ZFHX3: variants seen among roughly 807,000 people sequenced by gnomAD.
ZFHX3 encodes the protein zinc finger homeobox 3.
A neutral mutation model predicts 279.1 loss-of-function variants in ZFHX3; 42 were observed. That is an observed-to-expected ratio of 0.15 (90% CI 0.12 to 0.19). The LOEUF (loss-of-function observed/expected upper bound fraction) is 0.19. Ranked by LOEUF, ZFHX3 falls within the 10% of genes least tolerant of loss-of-function variation. The pLI, the probability that ZFHX3 is intolerant of heterozygous loss-of-function variation, is 1.00. For missense variants in ZFHX3, 4,981 were observed against 4,754.0 expected (o/e 1.05, Z -1.40); for synonymous variants, 2,293 against 1,957.8 (o/e 1.17, Z -4.52).
chr16:72,944,242 G>A (rs549024303), intron 3 of ZFHX3, among the ~76,000 whole-genome samples: 39 of 152,246 alleles, frequency 2.6e-4, no homozygotes, highest in Admixed American at 2.4e-3. Flanking sequence ...CCGAGATCAC[G>A]CCACTGCACT....
At chr16:73,455,228 T>G (rs1267029343) in intron 3 of ZFHX3, among the ~76,000 whole-genome samples, 2 of 152,186 alleles carry the variant, frequency 1.3e-5, no homozygotes, top group African/African-American at 4.8e-5. Flanking sequence ...TTCATAAAAA[T>G]AGCACCTCTT....
chr16:72,878,180 A>G (rs1042437670), intron 4 of ZFHX3, among the ~76,000 whole-genome samples: 2 of 152,176 alleles, frequency 1.3e-5, no homozygotes, highest in African/African-American at 2.4e-5. Context: ...TGTCTCTACA[A>G]AAAAAGAAAA....
At chr16:73,628,895 C>G (rs965896556) in intron 2 of ZFHX3, among the ~76,000 whole-genome samples, 1 of 152,118 alleles carries the variant, frequency 6.6e-6, no homozygotes, top group Non-Finnish European at 1.5e-5. Context: ...AGGGGCACCA[C>G]GCAGGACCCA....
intron 2 of ZFHX3, among the ~76,000 whole-genome samples, chr16:73,572,018 T>C (rs2051743049): frequency 6.6e-6 from 1 of 152,102 alleles, no homozygotes; most frequent in South Asian, 2.1e-4. Flanking sequence ...TCAAAATGCT[T>C]TCTGATTCAT....
intron 2 of ZFHX3, among the ~76,000 whole-genome samples, chr16:73,525,310 C>T (rs2019672929): frequency 6.6e-6 from 1 of 152,148 alleles, no homozygotes; most frequent in Non-Finnish European, 1.5e-5. Flanking sequence ...AAGCTTTCCA[C>T]ACAAAATCCA....
chr16:73,498,759 C>T (rs1176409650), intron 2 of ZFHX3, among the ~76,000 whole-genome samples: 2 of 152,140 alleles, frequency 1.3e-5, no homozygotes, highest in Non-Finnish European at 2.9e-5. Context: ...GAGCCGGGAG[C>T]TCTCGAGCTG....
intron 1 of ZFHX3, among the ~76,000 whole-genome samples, chr16:72,975,061 C>G (rs888901286): frequency 1.3e-5 from 2 of 152,128 alleles, no homozygotes; most frequent in Non-Finnish European, 2.9e-5. Flanking sequence ...ACCACCAGGA[C>G]GCAAGGGCTT....
chr16:73,518,753 C>G (rs182836399), intron 2 of ZFHX3, among the ~76,000 whole-genome samples: 1 of 152,180 alleles, frequency 6.6e-6, no homozygotes. Flanking sequence ...GCTTTTTCCC[C>G]GTTCTGCCGT....
chr16:73,151,004 G>T (rs1382561149), intron 5 of ZFHX3, among the ~76,000 whole-genome samples: 1 of 152,044 alleles, frequency 6.6e-6, no homozygotes, highest in Non-Finnish European at 1.5e-5. Context: ...ATATTATTTG[G>T]CAATAAAAAG....
At chr16:73,623,422 CT>C (rs1188740022) in intron 2 of ZFHX3, among the ~76,000 whole-genome samples, 1 of 152,128 alleles carries the variant, frequency 6.6e-6, no homozygotes, top group Non-Finnish European at 1.5e-5. Context: ...CTCTTTCCAG[CT>C]TCTGTTAGTG....
chr16:73,463,555 G>A (rs971449555), intron 2 of ZFHX3, among the ~76,000 whole-genome samples: 7 of 152,144 alleles, frequency 4.6e-5, no homozygotes, highest in Non-Finnish European at 8.8e-5. Flanking sequence ...CCCTCCTGCC[G>A]TTTCCCTTCT....
chr16:72,787,753 C>T lies in ZFHX3; in HGVS notation c.10523G>A (p.Gly3508Asp). 1 of 1,421,920 alleles carries T rather than the reference C, an allele frequency of 7.0e-7. No individual in the cohort carries two copies. The highest frequency in any genetic ancestry group is 9.2e-7 in the Non-Finnish European group (1 of 1,086,042). The allele number at this position is 1,421,920 out of a possible 1,614,324, so 88.1% of individuals were successfully genotyped here. The change falls in exon 10 of 10, where the codon GGC (glycine) becomes GAC (aspartate). Residue 3508 changes from glycine (G) to aspartate (D), a missense_variant. This residue lies in a region of ZFHX3 where 1,034 missense variants were observed against 786.0 expected (regional missense o/e 1.32). Transcript: ENST00000268489. ...QEMVLHVPTG[G>D]GGGGSGGGGG... ...GCCGCCGCCACTGCCACCGCCGCCG[C>T]CGCCGGTGGGGACGTGAAGCACCAT...
intron 9 of ZFHX3, among the ~76,000 whole-genome samples, chr16:72,791,865 G>A (rs2143354739): frequency 6.6e-6 from 1 of 152,288 alleles, no homozygotes; most frequent in South Asian, 2.1e-4. Context: ...GTGGCCTTAT[G>A]TTTGGTAAAA....
At chr16:73,722,432 ATCT>A (rs2053482617) in intron 1 of ZFHX3, among the ~76,000 whole-genome samples, 1 of 152,204 alleles carries the variant, frequency 6.6e-6, no homozygotes, top group African/African-American at 2.4e-5. Context: ...GAACCAGGAA[ATCT>A]TCTCACTCTT....
At chr16:73,779,207 A>G (rs1042835909) in intron 1 of ZFHX3, among the ~76,000 whole-genome samples, 1 of 151,992 alleles carries the variant, frequency 6.6e-6, no homozygotes, top group African/African-American at 2.4e-5. Context: ...TCTGGGGGTG[A>G]TTTTTTTTCT....
At chr16:73,480,441 C>G (rs2018844932) in intron 2 of ZFHX3, among the ~76,000 whole-genome samples, 1 of 152,294 alleles carries the variant, frequency 6.6e-6, no homozygotes, top group Non-Finnish European at 1.5e-5. Flanking sequence ...CCTCACCTCC[C>G]CTATTTTTAA....
intron 3 of ZFHX3, among the ~76,000 whole-genome samples, chr16:73,439,909 C>CAAAAAAAAAAAAAAAAAAAAAAA (rs71156164): frequency 1.3e-5 from 1 of 75,446 alleles, no homozygotes; most frequent in Non-Finnish European, 2.2e-5. Context: ...GGGAGAGGGA[C>CAAAAAAAAAAAAAAAAAAAAAAA]AAAAAAAAAA....
At position 73,303,099 on chromosome 16, in the gene ZFHX3, G is replaced by A. The variant is rs541221009; in HGVS notation, c.-1194+15141C>T. 5.3e-5 allele frequency among the ~76,000 whole-genome samples: 8 copies of A among 151,816 alleles called. No individual in the cohort carries two copies. The South Asian group carries it at 1.7e-3, about 32-fold the overall frequency. On this transcript the variant is annotated intron_variant, in intron 4 of 17. Transcript: ENST00000641206. ...CCTGGAGTACAGTGATGTGATCATA[G>A]TGCACTGTCGCCTTAAACTCCTGGG... is the stretch of plus-strand genomic sequence containing the variant.
chr16:73,197,919 T>G (rs1418156630), intron 5 of ZFHX3, among the ~76,000 whole-genome samples: 2 of 144,354 alleles, frequency 1.4e-5, no homozygotes, highest in Non-Finnish European at 3.0e-5. Context: ...GTATCTGATT[T>G]GGTGGTTTTT....
Sources: allele counts gnomAD v4.1 joint callset (sites outside exome capture counted in the v4.1 genomes callset), GRCh38; gene constraint gnomAD v4.1.1; regional missense constraint gnomAD v4.1.1; transcripts MANE v1.5; gene names NCBI Gene and HGNC (gene_info 2026-07-23, HGNC 2026-07-21).